Variants in CHODL observed in about 807,000 individuals in gnomAD.
CHODL encodes the protein chondrolectin.
A neutral mutation model predicts 34.5 loss-of-function variants in CHODL; 29 were observed. That is an observed-to-expected ratio of 0.84 (90% confidence interval 0.63 to 1.15). The LOEUF (loss-of-function observed/expected upper bound fraction) is 1.15, where lower values mean the gene tolerates loss of function less well. Among genes scored for constraint, CHODL ranks in the 50% most tolerant of loss-of-function variants. The pLI is 0.00. For missense variants in CHODL, 332 were observed against 332.5 expected (o/e 1.00, Z 0.01); for synonymous variants, 125 against 116.1 (o/e 1.08, Z -0.49).
rs145249546 is a variant in CHODL, at chr21:18,176,140, A to G, written c.-44-80369A>G. 9.5e-3 allele frequency among the ~76,000 whole-genome samples: 1,454 copies of G among 152,318 alleles called. 23 individuals are homozygous for G. Among genetic ancestry groups the G allele is most frequent in the African/African-American group, 0.032 (1,332 of 41,564 alleles). On this transcript the variant is annotated intron_variant, in intron 2 of 6. Coordinates refer to the CHODL transcript ENST00000400127. ...ACTGAATAAGATCACCTAAGGAACAAGTTTATAAAAAGAAGATCAAGGACT... is the reference window on the plus strand; with the variant it reads ...ACTGAATAAGATCACCTAAGGAACAGGTTTATAAAAAGAAGATCAAGGACT...
At chr21:18,261,607 C>T (rs2074383580) in intron 4 of CHODL, among the ~76,000 whole-genome samples, 1 of 151,994 alleles carries the variant, frequency 6.6e-6, no homozygotes, top group Non-Finnish European at 1.5e-5. Context: ...GCAGAGGTTA[C>T]AGTGAGCCAA....
chr21:18,016,784 C>A (rs1568845819), intron 1 of CHODL, among the ~76,000 whole-genome samples: 1 of 152,214 alleles, frequency 6.6e-6, no homozygotes, highest in Non-Finnish European at 1.5e-5. Flanking sequence ...GGATCTGTAC[C>A]CTGCAGAGCC....
chr21:18,144,522 A>T (rs2072843233), intron 2 of CHODL, among the ~76,000 whole-genome samples: 1 of 152,188 alleles, frequency 6.6e-6, no homozygotes, highest in African/African-American at 2.4e-5. Context: ...CATGCAAAGC[A>T]ATTTCAGTAA....
At chr21:18,182,870 G>A (rs2073397903) in intron 2 of CHODL, among the ~76,000 whole-genome samples, 1 of 152,244 alleles carries the variant, frequency 6.6e-6, no homozygotes, top group South Asian at 2.1e-4. Flanking sequence ...GGGTGCTGCT[G>A]CCTGCCACCC....
intron 1 of CHODL, among the ~76,000 whole-genome samples, chr21:17,941,110 C>T (rs1051255992): frequency 6.6e-6 from 1 of 151,970 alleles, no homozygotes; most frequent in Non-Finnish European, 1.5e-5. Flanking sequence ...TCTTTATGTG[C>T]CCTGTTTCAT....
chr21:18,107,540 G>A (rs776331732), intron 2 of CHODL, among the ~76,000 whole-genome samples: 5 of 152,176 alleles, frequency 3.3e-5, no homozygotes, highest in South Asian at 2.1e-4. Context: ...CTATAGTGTC[G>A]TCCTACCTAT....
intron 1 of CHODL, among the ~76,000 whole-genome samples, chr21:17,920,163 A>G (rs982891787): frequency 1.3e-5 from 2 of 152,192 alleles, no homozygotes; most frequent in African/African-American, 2.4e-5. Context: ...CCAGTTCCAA[A>G]GTTGCTTCCA....
chr21:18,026,556 A>G (rs1184103885), intron 1 of CHODL, among the ~76,000 whole-genome samples: 7 of 152,240 alleles, frequency 4.6e-5, no homozygotes, highest in African/African-American at 1.7e-4. Flanking sequence ...AATTGATGGC[A>G]TATGGAACAG....
intron 2 of CHODL, among the ~76,000 whole-genome samples, chr21:18,164,272 G>T (rs972669162): frequency 6.6e-6 from 1 of 152,158 alleles, no homozygotes; most frequent in Non-Finnish European, 1.5e-5. Context: ...CATATCTTCA[G>T]GAGGGATTTA....
intron 2 of CHODL, among the ~76,000 whole-genome samples, chr21:18,182,081 C>A (rs2073388471): frequency 2.0e-5 from 3 of 152,010 alleles, no homozygotes; most frequent in South Asian, 4.2e-4. Context: ...TGAGCCTATA[C>A]CCTAGGAACA....
At chr21:18,006,073 G>A (rs553667598) in intron 1 of CHODL, among the ~76,000 whole-genome samples, 3 of 152,294 alleles carry the variant, frequency 2.0e-5, no homozygotes, top group African/African-American at 4.8e-5. Flanking sequence ...TTGCTTGGCC[G>A]TCATTCTCTC....
Position 18,181,681 on chromosome 21 carries a change from C to T in CHODL, c.-44-74828C>T, listed in dbSNP as rs1385208348. Reference sequence around the variant, plus strand: ...CTAGGATTACAGGCGTGAGCCACCGCGCCCAGCCAAGAATCACATCTTATT... The same window carrying T: ...CTAGGATTACAGGCGTGAGCCACCGTGCCCAGCCAAGAATCACATCTTATT... On this transcript the variant is annotated intron_variant, in intron 2 of 6. Transcript: ENST00000400127. 2.6e-5 allele frequency among the ~76,000 whole-genome samples: 4 copies of T among 152,292 alleles called. No homozygotes were observed. The South Asian group carries it at 6.2e-4, about 24-fold the overall frequency.
chr21:18,094,755 A>AAG (rs1016588243), intron 2 of CHODL, among the ~76,000 whole-genome samples: 10 of 151,960 alleles, frequency 6.6e-5, no homozygotes, highest in Non-Finnish European at 1.2e-4. Flanking sequence ...AAAAAAAAAA[A>AAG]AAGCTTAAAT....
At chr21:18,175,232 C>A (rs1031219792) in intron 2 of CHODL, among the ~76,000 whole-genome samples, 2 of 152,164 alleles carry the variant, frequency 1.3e-5, no homozygotes. Flanking sequence ...ACCATGGTAT[C>A]TTACATACCC....
Position 17,980,494 on chromosome 21 carries a change from C to T in CHODL, c.-144-47378C>T, listed in dbSNP as rs77486711. Among the ~76,000 whole-genome samples, 938 of 152,218 alleles carry T rather than the reference C, an allele frequency of 6.2e-3. 11 individuals are homozygous for T. The highest frequency in any genetic ancestry group is 0.021 in the African/African-American group (892 of 41,534). Reference sequence around the variant, plus strand: ...AAGAATTTAAAATAAGTTATTCATCCATTTGAATCAGCAACCTGTGTAATT... The same window carrying T: ...AAGAATTTAAAATAAGTTATTCATCTATTTGAATCAGCAACCTGTGTAATT... On this transcript the variant is annotated intron_variant, in intron 1 of 6. Coordinates refer to the CHODL transcript ENST00000400127.
intron 2 of CHODL, among the ~76,000 whole-genome samples, chr21:18,210,479 T>C (rs2073760881): frequency 6.6e-6 from 1 of 152,186 alleles, no homozygotes; most frequent in African/African-American, 2.4e-5. Flanking sequence ...TTGGTTCTTA[T>C]GAAGGTGCTT....
At chr21:17,938,393 GAT>G (rs57915061) in intron 1 of CHODL, among the ~76,000 whole-genome samples, 2 of 143,658 alleles carry the variant, frequency 1.4e-5, no homozygotes, top group African/African-American at 5.1e-5. Context: ...CATATATATA[GAT>G]ATATATATAT....
chr21:18,160,519 G>A (rs1406175661), intron 2 of CHODL, among the ~76,000 whole-genome samples: 1 of 151,824 alleles, frequency 6.6e-6, no homozygotes, highest in Non-Finnish European at 1.5e-5. Flanking sequence ...AGGCCCCAGG[G>A]TACAACCCTC....
chr21:18,098,012 CA>C (rs1207604565), intron 2 of CHODL, among the ~76,000 whole-genome samples: 1 of 151,910 alleles, frequency 6.6e-6, no homozygotes, highest in East Asian at 1.9e-4. Context: ...ACTGGCTATG[CA>C]AAAAATTGAA....
Sources: allele counts gnomAD v4.1 joint callset (sites outside exome capture counted in the v4.1 genomes callset), GRCh38; gene constraint gnomAD v4.1.1; transcripts MANE v1.5; gene names NCBI Gene and HGNC (gene_info 2026-07-23, HGNC 2026-07-21).